Variants in FILIP1L observed in about 807,000 individuals in gnomAD.
FILIP1L encodes filamin A-interacting protein 1-like.
A neutral mutation model predicts 96.6 loss-of-function variants in FILIP1L; 55 were observed. That is an observed-to-expected ratio of 0.57 (90% CI 0.46 to 0.71). FILIP1L has a LOEUF of 0.71. Ranked by LOEUF, FILIP1L falls within the 30% of genes least tolerant of loss-of-function variation. The pLI, the probability that FILIP1L is intolerant of heterozygous loss-of-function variation, is 0.00. For missense variants in FILIP1L, 1,304 were observed against 1,321.2 expected, an observed-to-expected ratio of 0.99 and a Z score of 0.20; for synonymous variants, 467 against 473.9, an observed-to-expected ratio of 0.99 and a Z score of 0.19.
At chr3:100,014,895 C>CTTTTTTTTTTTTTTTTT (rs1233573719) in intron 1 of FILIP1L, among the ~76,000 whole-genome samples, 2 of 25,002 alleles carry the variant, frequency 8.0e-5, no homozygotes, top group African/African-American at 1.8e-4. Context: ...TTCTTTCTTT[C>CTTTTTTTTTTTTTTTTT]TTTTTTTTTT....
At chr3:99,876,177 C>T in intron 4 of FILIP1L, 2 of 985,474 alleles carry the variant, frequency 2.0e-6, no homozygotes, top group African/African-American at 3.5e-5. Flanking sequence ...ACAATGCGAG[C>T]GGGGCGCTGA....
At chr3:100,109,630 G>A (rs2066454777) in intron 1 of FILIP1L, among the ~76,000 whole-genome samples, 1 of 152,148 alleles carries the variant, frequency 6.6e-6, no homozygotes. Flanking sequence ...TAATGCAATT[G>A]AGGTTCATGC....
chr3:99,867,824 G>A (rs993575285), intron 4 of FILIP1L, among the ~76,000 whole-genome samples: 5 of 152,114 alleles, frequency 3.3e-5, no homozygotes, highest in African/African-American at 7.2e-5. Flanking sequence ...ATGGAAAACC[G>A]TAATTGGAAT....
chr3:99,910,144 C>T lies in FILIP1L; in HGVS notation c.605+14086G>A, dbSNP rs1432292990. Among the ~76,000 whole-genome samples the T allele has an allele frequency of 1.5e-5, 2 of 136,188 alleles. 1 individual carries two copies. Among genetic ancestry groups the T allele is most frequent in the Admixed American group, 1.6e-4 (2 of 12,760 alleles). 89.3% of individuals were successfully genotyped at this position (136,188 alleles called of 152,430 possible). A position where few individuals can be genotyped will look rare whatever the true frequency, so the allele number is the denominator to read the frequency against. On this transcript the variant is annotated intron_variant, in intron 4 of 5. Transcript: ENST00000477258. ...AAATTCTTAATAGAGTTGGTTTATA[C>T]GTAATTTCTATTCTTTGACTTACAA...
At chr3:100,068,951 A>C (rs1405519356) in intron 1 of FILIP1L, among the ~76,000 whole-genome samples, 4 of 152,194 alleles carry the variant, frequency 2.6e-5, no homozygotes, top group Non-Finnish European at 4.4e-5. Context: ...AGCAGGTGGC[A>C]CTGTGAAATA....
chr3:100,097,142 AC>A (rs2066223877), intron 1 of FILIP1L, among the ~76,000 whole-genome samples: 1 of 152,282 alleles, frequency 6.6e-6, no homozygotes, highest in Admixed American at 6.5e-5. Context: ...CCTATTGTGA[AC>A]TACAGAACTG....
At chr3:99,954,159 T>C (rs1212509731) in intron 1 of FILIP1L, among the ~76,000 whole-genome samples, 1 of 152,230 alleles carries the variant, frequency 6.6e-6, no homozygotes, top group Non-Finnish European at 1.5e-5. Context: ...ATATTGGTCT[T>C]CATATTTCAC....
Position 99,829,639 on chromosome 3 carries a change from T to A in FILIP1L, c.*775A>T, listed in dbSNP as rs866449370. Among the ~76,000 whole-genome samples the A allele has an allele frequency of 6.6e-6, 1 of 152,188 alleles. No individual in the cohort carries two copies. Among genetic ancestry groups the A allele is most frequent in the Non-Finnish European group, 1.5e-5 (1 of 68,034 alleles). On this transcript the variant is annotated 3_prime_UTR_variant, in exon 6 of 6. Transcript: ENST00000477258. Reference sequence around the variant, plus strand: ...CTCCTAACCCCAAGCTTTTGTTGAATCAACTGATTTTCGATAGTGTTTATT... The same window carrying A: ...CTCCTAACCCCAAGCTTTTGTTGAAACAACTGATTTTCGATAGTGTTTATT...
intron 1 of FILIP1L, among the ~76,000 whole-genome samples, chr3:99,982,927 A>G (rs1040625136): frequency 2.0e-5 from 3 of 152,180 alleles, no homozygotes; most frequent in Non-Finnish European, 4.4e-5. Flanking sequence ...TTAGTCTGTT[A>G]CATCAAAGTA....
intron 1 of FILIP1L, among the ~76,000 whole-genome samples, chr3:100,071,319 T>A (rs936810069): frequency 2.0e-5 from 3 of 152,086 alleles, no homozygotes; most frequent in African/African-American, 7.2e-5. Context: ...AAGAAGACAG[T>A]AAGGGACAGG....
intron 4 of FILIP1L, among the ~76,000 whole-genome samples, chr3:99,852,033 C>A (rs752320300): frequency 6.6e-6 from 1 of 152,246 alleles, no homozygotes; most frequent in East Asian, 1.9e-4. Context: ...ATGATGACTA[C>A]TATGACATGC....
At chr3:100,014,053 G>C (rs1361003606) in intron 1 of FILIP1L, among the ~76,000 whole-genome samples, 1 of 151,836 alleles carries the variant, frequency 6.6e-6, no homozygotes, top group Non-Finnish European at 1.5e-5. Flanking sequence ...GATTCCGCAT[G>C]TAAGTGAGAT....
At chr3:99,926,159 G>A (rs976487582) in intron 3 of FILIP1L, among the ~76,000 whole-genome samples, 1 of 152,198 alleles carries the variant, frequency 6.6e-6, no homozygotes, top group Admixed American at 6.5e-5. Flanking sequence ...GACTAGAAAT[G>A]TACTTGACTA....
chr3:99,953,529 G>A (rs541292723), intron 1 of FILIP1L, among the ~76,000 whole-genome samples: 70 of 152,246 alleles, frequency 4.6e-4, no homozygotes, highest in Non-Finnish European at 6.8e-4. Flanking sequence ...TTCATGCCAC[G>A]TTGGACCATT....
At chr3:99,935,860 T>A (rs1285376443) in intron 1 of FILIP1L, among the ~76,000 whole-genome samples, 1 of 152,202 alleles carries the variant, frequency 6.6e-6, no homozygotes, top group Non-Finnish European at 1.5e-5. Flanking sequence ...TAAGGATGTG[T>A]CCATGCAAGA....
At chr3:100,095,273 G>A (rs1026030696) in intron 1 of FILIP1L, among the ~76,000 whole-genome samples, 3 of 151,846 alleles carry the variant, frequency 2.0e-5, no homozygotes, top group African/African-American at 7.3e-5. Flanking sequence ...CAAAAATCTT[G>A]CGGAGATTTT....
At chr3:100,087,933 C>T (rs1310721199) in intron 1 of FILIP1L, among the ~76,000 whole-genome samples, 2 of 150,250 alleles carry the variant, frequency 1.3e-5, no homozygotes, top group Non-Finnish European at 3.0e-5. Context: ...AGGGTTCAAG[C>T]AATTCTCCTG....
chr3:99,933,604 A>G (rs951609815), intron 1 of FILIP1L, among the ~76,000 whole-genome samples: 2 of 152,194 alleles, frequency 1.3e-5, no homozygotes, highest in African/African-American at 2.4e-5. Context: ...TTGAACACCT[A>G]GGAATATCCT....
chr3:100,080,430 G>GT (rs1430290636), intron 1 of FILIP1L, among the ~76,000 whole-genome samples: 1 of 152,144 alleles, frequency 6.6e-6, no homozygotes, highest in East Asian at 1.9e-4. Context: ...CAGGGAACAT[G>GT]TTAAAATGTA....
Sources: allele counts gnomAD v4.1 joint callset (sites outside exome capture counted in the v4.1 genomes callset), GRCh38; gene constraint gnomAD v4.1.1; transcripts MANE v1.5; gene names NCBI Gene and HGNC (gene_info 2026-07-23, HGNC 2026-07-21).